The following LMX1A variants were observed in gnomAD, a reference collection of about 807,000 sequenced individuals.
The protein encoded by LMX1A is LIM homeobox transcription factor 1-alpha.
LMX1A carries 15 observed loss-of-function variants against 49.1 expected under a neutral mutation model. The ratio of observed to expected loss-of-function variants is 0.31; its 90% CI spans 0.20 to 0.47. The LOEUF is 0.47. LMX1A is among the 20% of genes least tolerant of loss of function. The probability of loss-of-function intolerance (pLI) is 1.00; values close to 1 mark genes in which losing one functional copy is unlikely to be tolerated. For missense variants in LMX1A, 372 were observed against 475.8 expected (o/e 0.78, Z 2.03); for synonymous variants, 167 against 185.7 (o/e 0.90, Z 0.82).
intron 3 of LMX1A, among the ~76,000 whole-genome samples, chr1:165,342,636 T>C (rs1442595677): frequency 6.6e-6 from 1 of 152,134 alleles, no homozygotes; most frequent in Admixed American, 6.5e-5. Context: ...GCAATGATTG[T>C]ATATGAGCTG....
At chr1:165,335,186 A>G (rs929007207) in intron 3 of LMX1A, among the ~76,000 whole-genome samples, 3 of 152,214 alleles carry the variant, frequency 2.0e-5, no homozygotes, top group South Asian at 2.1e-4. Context: ...TAAGCTTTCA[A>G]TATTCACTGC....
chr1:165,317,011 C>T (rs1234506526), intron 3 of LMX1A, among the ~76,000 whole-genome samples: 1 of 152,218 alleles, frequency 6.6e-6, no homozygotes, highest in African/African-American at 2.4e-5. Flanking sequence ...ATTTACGGAA[C>T]TGATACTTGT....
At chr1:165,344,105 G>A (rs1395547) in intron 3 of LMX1A, among the ~76,000 whole-genome samples, 2 of 152,194 alleles carry the variant, frequency 1.3e-5, no homozygotes, top group African/African-American at 4.8e-5. Context: ...ATGGGGCTTA[G>A]GAAAACAAGT....
chr1:165,314,206 G>A (rs74460444), intron 3 of LMX1A, among the ~76,000 whole-genome samples: 2,411 of 152,306 alleles, frequency 0.016, 72 homozygotes, highest in African/African-American at 0.056. Flanking sequence ...GAGTGACAGC[G>A]TGAGGACAGT....
intron 4 of LMX1A, among the ~76,000 whole-genome samples, chr1:165,222,172 C>T (rs1031495247): frequency 6.6e-5 from 10 of 152,128 alleles, no homozygotes; most frequent in African/African-American, 1.7e-4. Flanking sequence ...TCAAATCAAG[C>T]CTGGGTAAAT....
At chr1:165,341,087 A>G (rs1313824795) in intron 3 of LMX1A, among the ~76,000 whole-genome samples, 1 of 152,170 alleles carries the variant, frequency 6.6e-6, no homozygotes, top group Non-Finnish European at 1.5e-5. Context: ...GAAAATAAAT[A>G]TGGCCACAAT....
At chr1:165,226,841 A>G (rs565177544) in intron 4 of LMX1A, among the ~76,000 whole-genome samples, 5 of 152,350 alleles carry the variant, frequency 3.3e-5, no homozygotes, top group Non-Finnish European at 7.3e-5. Context: ...ATTTTTTAGT[A>G]TGCAGAGGAT....
intron 3 of LMX1A, among the ~76,000 whole-genome samples, chr1:165,269,890 T>G (rs958609905): frequency 6.6e-6 from 1 of 152,018 alleles, no homozygotes; most frequent in African/African-American, 2.4e-5. Flanking sequence ...CTGGGGCCTG[T>G]GCGGGGAGAG....
chr1:165,296,649 C>T (rs796808992), intron 3 of LMX1A, among the ~76,000 whole-genome samples: 10 of 152,374 alleles, frequency 6.6e-5, no homozygotes, highest in African/African-American at 2.4e-4. Flanking sequence ...GGGCCCCACC[C>T]AAGGTTCCTA....
intron 2 of LMX1A, among the ~76,000 whole-genome samples, chr1:165,353,998 G>A (rs956663529): frequency 1.3e-5 from 2 of 152,222 alleles, no homozygotes; most frequent in African/African-American, 2.4e-5. Context: ...GGCGAAACGG[G>A]CCTCAAAGTG....
At chr1:165,280,887 T>C (rs1190837034) in intron 3 of LMX1A, among the ~76,000 whole-genome samples, 4 of 152,058 alleles carry the variant, frequency 2.6e-5, no homozygotes, top group Admixed American at 2.6e-4. Flanking sequence ...GATCTGTGCA[T>C]TGGATAGGGC....
At chr1:165,221,023 A>G (rs962798523) in intron 4 of LMX1A, among the ~76,000 whole-genome samples, 1 of 152,164 alleles carries the variant, frequency 6.6e-6, no homozygotes, top group South Asian at 2.1e-4. Flanking sequence ...ACCCTATGAG[A>G]CAGGAAATGC....
At position 165,249,601 on chromosome 1, in the gene LMX1A, G is replaced by A. The variant is rs757812169; in HGVS notation, c.303C>T (p.Ile101=). 1.3e-5 allele frequency: 21 copies of A among 1,614,026 alleles called. No homozygotes were observed. Among genetic ancestry groups the A allele is most frequent in the African/African-American group, 5.3e-5 (4 of 74,914 alleles). The change falls in exon 4 of 9, where the codon ATC becomes ATT. Residue 101 remains isoleucine (I), a synonymous_variant. Transcript: ENST00000342310. ...CCCGCATAACAAACTCATTGGGAGC[G>A]ATGGCCTCGAAGCAGCCCCCACATT... ...AVKCGGCFEA[I]APNEFVMRAQ...
intron 3 of LMX1A, among the ~76,000 whole-genome samples, chr1:165,323,060 A>G (rs1490264378): frequency 2.0e-5 from 3 of 152,162 alleles, no homozygotes; most frequent in Non-Finnish European, 4.4e-5. Context: ...CATGTAAAAA[A>G]TCTCAGAATC....
At chr1:165,258,122 C>G (rs1355748574) in intron 3 of LMX1A, among the ~76,000 whole-genome samples, 1 of 152,222 alleles carries the variant, frequency 6.6e-6, no homozygotes, top group Non-Finnish European at 1.5e-5. Context: ...CACCAGGGGG[C>G]AGCATAGCAG....
At chr1:165,325,407 T>A (rs1233474241) in intron 3 of LMX1A, among the ~76,000 whole-genome samples, 1 of 152,138 alleles carries the variant, frequency 6.6e-6, no homozygotes, top group Non-Finnish European at 1.5e-5. Context: ...TCCTTCATTG[T>A]TCAATTTAGA....
chr1:165,222,897 T>C (rs1651899696), intron 4 of LMX1A, among the ~76,000 whole-genome samples: 1 of 152,130 alleles, frequency 6.6e-6, no homozygotes, highest in African/African-American at 2.4e-5. Flanking sequence ...ATACCTAGCC[T>C]TTGTTCTTAC....
chr1:165,222,267 A>G (rs1651880281), intron 4 of LMX1A, among the ~76,000 whole-genome samples: 1 of 152,208 alleles, frequency 6.6e-6, no homozygotes, highest in Non-Finnish European at 1.5e-5. Context: ...AAGTCGATTC[A>G]GATGTTTGGG....
Position 165,326,531 on chromosome 1 carries a change from C to T in LMX1A, c.263+26545G>A, listed in dbSNP as rs1045154964. ...CACAGGGCAGCAGGGCCTTACAATT[C>T]ATCTAGGCCAACTTCTCATTTTATT... On this transcript the variant is annotated intron_variant, in intron 3 of 8. Coordinates refer to ENST00000342310, the MANE Select transcript of LMX1A (RefSeq NM_177398.4). Among the ~76,000 whole-genome samples, 16 of 152,306 alleles carry T rather than the reference C, an allele frequency of 1.1e-4. No homozygotes were observed. In the East Asian group the frequency reaches 2.3e-3, roughly 22 times the overall value.
Sources: gnomAD v4.1 joint callset for allele counts (sites outside exome capture counted in the v4.1 genomes callset) on GRCh38, gnomAD v4.1.1 for gene constraint, MANE v1.5 for transcripts, NCBI Gene and HGNC (gene_info 2026-07-23, HGNC 2026-07-21) for gene names.